The following EML5 variants were observed in gnomAD, a reference collection of about 807,000 sequenced individuals.
EML5 encodes echinoderm microtubule-associated protein-like 5.
In EML5, 120 loss-of-function variants were observed where a neutral mutation model predicts 250.0. The observed-to-expected ratio is 0.48, with a 90% CI of 0.41 to 0.56. EML5 has a LOEUF of 0.56. Among genes scored for constraint, EML5 ranks in the 20% least tolerant of loss-of-function variants. The pLI, the probability that EML5 is intolerant of heterozygous loss-of-function variation, is 0.00. For missense variants in EML5, 2,006 were observed against 2,437.6 expected, an observed-to-expected ratio of 0.82 and a Z score of 3.73; for synonymous variants, 771 against 806.5, an observed-to-expected ratio of 0.96 and a Z score of 0.75.
At chr14:88,753,565 A>C (rs2094125301) in intron 2 of EML5, among the ~76,000 whole-genome samples, 1 of 152,240 alleles carries the variant, frequency 6.6e-6, no homozygotes, top group South Asian at 2.1e-4. Context: ...ATTATAAATG[A>C]ACAACCTGCA....
chr14:88,728,976 GTTTATAGGAAAAAT>G, intron 7 of EML5, among the ~76,000 whole-genome samples: 1 of 151,896 alleles, frequency 6.6e-6, no homozygotes, highest in South Asian at 2.1e-4. Context: ...ATTGTTACTA[GTTTATAGGAAAAAT>G]GATTTTTGTA....
chr14:88,699,554 CTT>C (rs1431609604), intron 14 of EML5, among the ~76,000 whole-genome samples: 1 of 151,884 alleles, frequency 6.6e-6, no homozygotes, highest in African/African-American at 2.4e-5. Context: ...AATTTTAAGA[CTT>C]TTAGAAAGAT....
At chr14:88,637,128 CTT>C (rs149055297) in intron 32 of EML5, among the ~76,000 whole-genome samples, 2,072 of 152,230 alleles carry the variant, frequency 0.014, 20 homozygotes, top group Non-Finnish European at 0.019. Context: ...AAACAATTCT[CTT>C]TATGTGTGAG....
chr14:88,712,058 CAT>C (rs770113515), intron 10 of EML5, among the ~76,000 whole-genome samples: 4 of 151,926 alleles, frequency 2.6e-5, no homozygotes, highest in African/African-American at 7.3e-5. Flanking sequence ...TTCATAACAA[CAT>C]ATGAATTCAA....
intron 33 of EML5, among the ~76,000 whole-genome samples, chr14:88,632,971 C>T (rs2140490994): frequency 6.6e-6 from 1 of 152,262 alleles, no homozygotes; most frequent in South Asian, 2.1e-4. Context: ...AACCCTGTAA[C>T]TAGATGCTCC....
At position 88,613,789 on chromosome 14, in the gene EML5, CA is replaced by C. The variant is rs1206194426; in HGVS notation, c.*2028del. The C allele has an allele frequency of 6.6e-6, 1 of 152,132 alleles. No homozygotes were observed. Among genetic ancestry groups the C allele is most frequent in the Non-Finnish European group, 1.5e-5 (1 of 68,014 alleles). 9.4% of individuals were successfully genotyped at this position (152,132 alleles called of 1,614,324 possible). A position where few individuals can be genotyped will look rare whatever the true frequency, so the allele number is the denominator to read the frequency against. On this transcript the variant is annotated 3_prime_UTR_variant, in exon 44 of 44. Transcript: ENST00000554922. The stretch of plus-strand genomic sequence containing the variant: ...TGCCAGAAGTCCCAGGTTACACAAT[CA>C]GGAGCTTAGATACTGCACACAAAAA...
At chr14:88,728,664 C>A (rs2093704876) in intron 7 of EML5, among the ~76,000 whole-genome samples, 1 of 152,036 alleles carries the variant, frequency 6.6e-6, no homozygotes, top group Admixed American at 6.6e-5. Context: ...TCAGGGGTGG[C>A]AGAGGTGGAA....
chr14:88,697,016 G>A (rs2141356922), intron 14 of EML5, 64 bp from the exon 15 acceptor site: 9 of 1,080,296 alleles, frequency 8.3e-6, no homozygotes, highest in South Asian at 4.7e-5. Context: ...TCTACTAAAA[G>A]GAAATAAAAC....
chr14:88,613,624 G>A lies in EML5; in HGVS notation c.*2194C>T, dbSNP rs927565622. On this transcript the variant is annotated 3_prime_UTR_variant, in exon 44 of 44. Transcript: ENST00000554922. ...GACCATAAAACATTTGTTGGATGAC[G>A]TGGTTTAAAATGATCACCACAAAAA... 4 of 152,042 alleles carry A rather than the reference G, an allele frequency of 2.6e-5. No homozygotes were observed. Among genetic ancestry groups the A allele is most frequent in the Admixed American group, 6.6e-5 (1 of 15,254 alleles). 9.4% of individuals were successfully genotyped at this position (152,042 alleles called of 1,614,324 possible).
In EML5 at chr14:88,638,829, A is replaced by G. The variant is rs2090891126; in HGVS notation, c.4316T>C (p.Ile1439Thr). 1.9e-6 allele frequency: 3 copies of G among 1,592,978 alleles called. No individual in the cohort carries two copies. The highest frequency in any genetic ancestry group is 1.7e-6 in the Non-Finnish European group (2 of 1,168,948). Residue 1439 changes from isoleucine to threonine, a missense_variant, in exon 32 of 44, where the codon ATA becomes ACA. By Grantham distance (89) the Ile-to-Thr change is moderately conservative (BLOSUM62 -1). Transcript: ENST00000554922. ...CATACCTACTTGGCCAGTTGCCACTATGTTGATAAATTTGGGGTGCTGGTT... is the reference window on the plus strand; with the variant it reads ...CATACCTACTTGGCCAGTTGCCACTGTGTTGATAAATTTGGGGTGCTGGTT... ...TVNQHPKFIN[I>T]VATGQVGDSA... is the part of the protein sequence containing the mutation.
Position 88,712,404 on chromosome 14 carries a change from T to G in EML5, c.1524A>C (p.Val508=). ...ASWTCVSGLE[V]NGIWPKYSDI... Reference sequence around the variant, plus strand: ...CTGAATACTTGGGCCAAATTCCATTTACTTCAAGGCCTGAAACACATGTCC... The same window carrying G: ...CTGAATACTTGGGCCAAATTCCATTGACTTCAAGGCCTGAAACACATGTCC... The change falls in exon 10 of 44, where the codon GTA becomes GTC. Residue 508 remains valine (V), a synonymous_variant. Coordinates refer to ENST00000554922, the MANE Select transcript of EML5 (RefSeq NM_183387.3). The G allele has an allele frequency of 2.5e-6, 4 of 1,613,690 alleles. No individual in the cohort carries two copies. The highest frequency in any genetic ancestry group is 3.4e-6 in the Non-Finnish European group (4 of 1,179,736).
At chr14:88,618,372 TGA>T (rs1342262887) in intron 40 of EML5, 41 bp from the exon 41 acceptor site, 9 of 1,560,876 alleles carry the variant, frequency 5.8e-6, no homozygotes, top group South Asian at 1.1e-5. Flanking sequence ...TTCCATTAGG[TGA>T]GAGACAAAAT....
intron 32 of EML5, among the ~76,000 whole-genome samples, chr14:88,637,013 C>A (rs2090774661): frequency 6.6e-6 from 1 of 152,144 alleles, no homozygotes; most frequent in Admixed American, 6.6e-5. Context: ...TCAAACATTT[C>A]AATTACTCTA....
chr14:88,758,349 C>A (rs527385040), intron 1 of EML5, among the ~76,000 whole-genome samples: 1 of 151,940 alleles, frequency 6.6e-6, no homozygotes, highest in Non-Finnish European at 1.5e-5. Context: ...TGCACCACCA[C>A]GCCCAGCTAA....
At chr14:88,702,376 T>G (rs1037599828) in intron 14 of EML5, 70 bp downstream of exon 14, 5 of 1,180,680 alleles carry the variant, frequency 4.2e-6, no homozygotes, top group African/African-American at 1.6e-5. Flanking sequence ...AAAAGAGATA[T>G]GTGATTAATT....
chr14:88,695,109 C>A (rs1048845463), intron 16 of EML5, among the ~76,000 whole-genome samples: 3 of 151,842 alleles, frequency 2.0e-5, no homozygotes, highest in African/African-American at 7.3e-5. Flanking sequence ...TCTAACTGTA[C>A]GTGGAGATTT....
chr14:88,699,175 G>A (rs1339835320), intron 14 of EML5, among the ~76,000 whole-genome samples: 3 of 152,144 alleles, frequency 2.0e-5, no homozygotes, highest in Non-Finnish European at 4.4e-5. Context: ...GCAGAAATTA[G>A]ATAAAGTTGG....
chr14:88,650,661 C>T (rs1464883225), intron 27 of EML5, among the ~76,000 whole-genome samples: 2 of 152,032 alleles, frequency 1.3e-5, no homozygotes, highest in African/African-American at 2.4e-5. Flanking sequence ...CTCCCAGAGA[C>T]AGGATCCCAC....
intron 7 of EML5, among the ~76,000 whole-genome samples, chr14:88,734,685 C>T (rs902879554): frequency 6.6e-6 from 1 of 152,050 alleles, no homozygotes; most frequent in Non-Finnish European, 1.5e-5. Flanking sequence ...TACATCACCA[C>T]CTAGGAAATA....
Sources: gnomAD v4.1 joint callset for allele counts (sites outside exome capture counted in the v4.1 genomes callset) on GRCh38, gnomAD v4.1.1 for gene constraint, MANE v1.5 for transcripts, NCBI Gene and HGNC (gene_info 2026-07-23, HGNC 2026-07-21) for gene names.